SP140: variants seen among roughly 807,000 people sequenced by gnomAD.
SP140 encodes SP140 nuclear body protein, also known as nuclear body protein SP140.
In SP140, 81 loss-of-function variants were observed where a neutral mutation model predicts 125.0. That is an observed-to-expected ratio of 0.65 (90% confidence interval 0.54 to 0.78). The LOEUF is 0.78. Among genes scored for constraint, SP140 ranks in the 30% least tolerant of loss-of-function variants. The pLI is 0.00. For synonymous variants in SP140, 312 were observed against 354.0 expected, an observed-to-expected ratio of 0.88 and a Z score of 1.33; for missense variants, 858 against 1,037.0, an observed-to-expected ratio of 0.83 and a Z score of 2.37.
rs28364594 is a variant in SP140, at chr2:230,220,526, C to T, written c.-90-5229C>T. Among the ~76,000 whole-genome samples the T allele has an allele frequency of 5.6e-4, 85 of 152,288 alleles. 2 individuals are homozygous for T. In the East Asian group the frequency reaches 0.014, roughly 25 times the overall value. ...CACATGAACTGGAATTGTGCAGAGG[C>T]AGGCAGACCTCCAGGCAGAAAAATG... On this transcript the variant is annotated intron_variant, in intron 3 of 4. Coordinates refer to the SP140 transcript ENST00000456542.
At chr2:230,307,957 A>G (rs867087322) in intron 22 of SP140, among the ~76,000 whole-genome samples, 15 of 51,456 alleles carry the variant, frequency 2.9e-4, no homozygotes, top group South Asian at 6.7e-4. Flanking sequence ...ACATGCATGT[A>G]TATATATATA....
chr2:230,315,295 GT>G (rs1363997945), downstream of SP140, among the ~76,000 whole-genome samples: 2 of 152,192 alleles, frequency 1.3e-5, no homozygotes, highest in African/African-American at 4.8e-5. Context: ...ATTCCCTCAA[GT>G]TTTCACGGGA....
rs1280238702 is a variant in SP140, at chr2:230,245,913, C to T, written c.715C>T (p.Pro239Ser). ...AGATGAAGGAGAATCAGAAGAAATGCCCAAGTTACTGCCTTATGATACAGA... is the reference window on the plus strand; with the variant it reads ...AGATGAAGGAGAATCAGAAGAAATGTCCAAGTTACTGCCTTATGATACAGA... ...QIDEGESEEM[P>S]KLLPYDTEVL... Residue 239 changes from proline (P) to serine (S), a missense_variant, in exon 7 of 27, where the codon CCC (proline) becomes TCC (serine). Physicochemically the swap from Pro to Ser is moderately conservative, Grantham distance 74 (BLOSUM62 -1). This residue lies in a region of SP140 where 791 missense variants were observed against 869.5 expected (regional missense o/e 0.91). Coordinates refer to ENST00000392045, the MANE Select transcript of SP140 (RefSeq NM_007237.5). 3 of 1,603,752 alleles carry T rather than the reference C, an allele frequency of 1.9e-6. No homozygotes were observed. Among genetic ancestry groups the T allele is most frequent in the East Asian group, 2.2e-5 (1 of 44,848 alleles).
At chr2:230,270,673 A>G (rs756918620) in intron 15 of SP140, 34 bp downstream of exon 15, 7 of 1,551,562 alleles carry the variant, frequency 4.5e-6, no homozygotes, top group Non-Finnish European at 6.2e-6. Context: ...TGCTTTTGGT[A>G]TTACAAATAC....
chr2:230,203,026 C>T (rs1040717513), upstream of SP140: 4 of 422,886 alleles, frequency 9.5e-6, no homozygotes, highest in African/African-American at 8.1e-5. Flanking sequence ...TTGTGTCGGC[C>T]TGCACCACGA....
At chr2:230,231,759 T>G (rs753725648) in intron 1 of SP140, among the ~76,000 whole-genome samples, 1 of 152,164 alleles carries the variant, frequency 6.6e-6, no homozygotes, top group African/African-American at 2.4e-5. Context: ...CAGGCTATAG[T>G]GCAGTGGCGT....
chr2:230,226,416 A>C (rs1404747011), intron 1 of SP140, among the ~76,000 whole-genome samples: 1 of 152,102 alleles, frequency 6.6e-6, no homozygotes, highest in Non-Finnish European at 1.5e-5. Context: ...TGGTAGGAGG[A>C]AGTGAAAGCA....
intron 3 of SP140, chr2:230,239,129 ACCTTGATTC>A: frequency 9.7e-7 from 1 of 1,027,330 alleles, no homozygotes; most frequent in Non-Finnish European, 1.3e-6. Flanking sequence ...TGAATACTAT[ACCTTGATTC>A]AAAAAAGAGG....
intron 1 of SP140, among the ~76,000 whole-genome samples, chr2:230,233,691 A>G (rs1447744266): frequency 6.6e-6 from 1 of 151,980 alleles, no homozygotes; most frequent in African/African-American, 2.4e-5. Context: ...ATGTGTTTTT[A>G]TGAAAAATAA....
At chr2:230,296,088 A>G (rs2057697826) in intron 21 of SP140, among the ~76,000 whole-genome samples, 1 of 152,070 alleles carries the variant, frequency 6.6e-6, no homozygotes, top group Non-Finnish European at 1.5e-5. Context: ...AAAAAAAAAA[A>G]AAATTACCCA....
chr2:230,285,682 C>G (rs536796618), intron 16 of SP140, 70 bp from the exon 17 acceptor site: 2 of 1,289,312 alleles, frequency 1.6e-6, no homozygotes, highest in Non-Finnish European at 2.3e-6. Flanking sequence ...CCCTCACTTG[C>G]GTTTGTTCCT....
intron 1 of SP140, among the ~76,000 whole-genome samples, chr2:230,236,457 G>C (rs1477813776): frequency 2.6e-5 from 4 of 152,194 alleles, no homozygotes; most frequent in Non-Finnish European, 5.9e-5. Flanking sequence ...TTGTTATAAG[G>C]AATTGGCTCT....
At chr2:230,238,696 A>G (rs886540155) in intron 3 of SP140, 11 of 1,261,036 alleles carry the variant, frequency 8.7e-6, no homozygotes, top group Non-Finnish European at 1.2e-5. Flanking sequence ...TTTCATGGGA[A>G]AGGAGGAAGC....
intron 1 of SP140, among the ~76,000 whole-genome samples, chr2:230,227,710 T>C (rs2046663069): frequency 1.3e-5 from 2 of 152,252 alleles, no homozygotes; most frequent in African/African-American, 4.8e-5. Context: ...TTTGTAGGTG[T>C]AGAGTCCATA....
In SP140 at chr2:230,312,754, T is replaced by C; in HGVS notation, c.*70T>C. The C allele has an allele frequency of 8.5e-7, 1 of 1,174,680 alleles. No individual in the cohort carries two copies. The highest frequency in any genetic ancestry group is 1.3e-6 in the Non-Finnish European group (1 of 788,168). 72.8% of individuals were successfully genotyped at this position (1,174,680 alleles called of 1,614,324 possible). A position where few individuals can be genotyped will look rare whatever the true frequency, so the allele number is the denominator to read the frequency against. ...AATATGCCGCTGGTTTGCCACTGAC[T>C]TCAAAATGAGGTCACTTGGGCACAG... On this transcript the variant is annotated 3_prime_UTR_variant, in exon 27 of 27. Coordinates refer to ENST00000392045, the MANE Select transcript of SP140 (RefSeq NM_007237.5).
chr2:230,313,799 A>G (rs1018857351), downstream of SP140, among the ~76,000 whole-genome samples: 5 of 152,218 alleles, frequency 3.3e-5, no homozygotes, highest in African/African-American at 1.2e-4. Flanking sequence ...GCAGTTGCCC[A>G]AATTTTCACC....
At chr2:230,296,599 G>T (rs758074859) in intron 21 of SP140, among the ~76,000 whole-genome samples, 30 of 152,226 alleles carry the variant, frequency 2.0e-4, no homozygotes, top group Non-Finnish European at 3.5e-4. Flanking sequence ...GGACCTTGGA[G>T]GCATTTTATC....
chr2:230,210,635 A>G (rs1436675536), intron 1 of SP140, among the ~76,000 whole-genome samples: 1 of 152,228 alleles, frequency 6.6e-6, no homozygotes, highest in Non-Finnish European at 1.5e-5. Context: ...TGTTAACAGC[A>G]AAGACATATA....
At chr2:230,313,317 G>A (rs1330353211), downstream of SP140, 1 of 152,314 alleles carries the variant, frequency 6.6e-6, no homozygotes, top group Non-Finnish European at 1.5e-5. Context: ...TTGGCATCCT[G>A]GCACCATCTC....
Sources: allele counts gnomAD v4.1 joint callset (sites outside exome capture counted in the v4.1 genomes callset), GRCh38; gene constraint gnomAD v4.1.1; regional missense constraint gnomAD v4.1.1; transcripts MANE v1.5; gene names NCBI Gene and HGNC (gene_info 2026-07-23, HGNC 2026-07-21).